The following MCF2L variants were observed in gnomAD, a reference collection of about 807,000 sequenced individuals.
The protein encoded by MCF2L is MCF.2 cell line derived transforming sequence like, also known as guanine nucleotide exchange factor DBS.
MCF2L carries 97 observed loss-of-function variants against 153.4 expected under a neutral mutation model. That is an observed-to-expected ratio of 0.63 (90% CI 0.54 to 0.75). The LOEUF is 0.75. Among genes scored for constraint, MCF2L ranks in the 30% least tolerant of loss-of-function variants. MCF2L has a pLI of 0.00. For missense variants in MCF2L, 1,347 were observed against 1,495.2 expected, an observed-to-expected ratio of 0.90 and a Z score of 1.64; for synonymous variants, 659 against 632.2, an observed-to-expected ratio of 1.04 and a Z score of -0.64.
intron 3 of MCF2L, chr13:113,041,005 A>C (rs947792290): frequency 6.6e-6 from 1 of 152,258 alleles, no homozygotes; most frequent in Non-Finnish European, 1.5e-5. Flanking sequence ...TATTTGGGCC[A>C]AAAGTGAGCT....
intron 17 of MCF2L, among the ~76,000 whole-genome samples, chr13:113,083,472 G>A (rs539762076): frequency 7.9e-5 from 12 of 152,326 alleles, no homozygotes; most frequent in East Asian, 3.9e-4. Context: ...AGTCCTGCAC[G>A]CAGGGGTCCC....
At chr13:112,928,425 C>T (rs893304805) in intron 2 of MCF2L, among the ~76,000 whole-genome samples, 9 of 152,168 alleles carry the variant, frequency 5.9e-5, no homozygotes, top group African/African-American at 1.9e-4. Context: ...GAATGTGCCT[C>T]GTTATAATCC....
Position 113,027,081 on chromosome 13 carries a change from A to G in MCF2L, c.278+2323A>G, listed in dbSNP as rs115308870. 2,913 of 756,464 alleles carry G rather than the reference A, an allele frequency of 3.9e-3. 53 individuals carry two copies. The African/African-American group carries it at 0.04, about 10-fold the overall frequency. 46.9% of individuals were successfully genotyped at this position (756,464 alleles called of 1,614,324 possible). A position where few individuals can be genotyped will look rare whatever the true frequency, so the allele number is the denominator to read the frequency against. On this transcript the variant is annotated intron_variant, in intron 3 of 29. Coordinates refer to ENST00000535094, the MANE Select transcript of MCF2L (RefSeq NM_001112732.3). This position sits in a 1 kb window ranked among gnomAD's most constrained non-coding sequence, Gnocchi z 4.8. ...AAATATCCTTAAATATGGCATCTGT[A>G]TCCCGCACATTACATAAGGTGGCAA... is the stretch of plus-strand genomic sequence containing the variant.
chr13:112,932,512 A>C lies in MCF2L; in HGVS notation c.169+30141A>C, dbSNP rs2081474221. 6.6e-6 allele frequency among the ~76,000 whole-genome samples: 1 copy of C among 152,348 alleles called. No individual in the cohort carries two copies. Among genetic ancestry groups the C allele is most frequent in the South Asian group, 2.1e-4 (1 of 4,828 alleles). ...TGTGCATAGTTAATAATAATGTACCAATATTGGCTCATTAATTGCAACAAA... is the reference window on the plus strand; with the variant it reads ...TGTGCATAGTTAATAATAATGTACCCATATTGGCTCATTAATTGCAACAAA... On this transcript the variant is annotated intron_variant, in intron 2 of 29. Coordinates refer to the MCF2L transcript ENST00000375608. This position sits in a 1 kb window ranked among gnomAD's most constrained non-coding sequence, Gnocchi z 4.6.
intron 1 of MCF2L, among the ~76,000 whole-genome samples, chr13:112,990,372 A>G (rs1202073519): frequency 6.6e-6 from 1 of 152,208 alleles, no homozygotes; most frequent in Non-Finnish European, 1.5e-5. Context: ...CACCCCAGAG[A>G]AGCCTGTTTT....
Position 113,023,387 on chromosome 13 carries a change from G to A in MCF2L, c.164-1257G>A, listed in dbSNP as rs909395906. Among the ~76,000 whole-genome samples the A allele has an allele frequency of 3.9e-5, 6 of 152,350 alleles. No individual in the cohort carries two copies. In the East Asian group the frequency reaches 5.8e-4, roughly 15 times the overall value. On this transcript the variant is annotated intron_variant, in intron 2 of 29. Coordinates refer to ENST00000535094, the MANE Select transcript of MCF2L (RefSeq NM_001112732.3). Reference sequence around the variant, plus strand: ...CCACAGGGAGCCTCGGGGGCCCAGCGTCCCGGGATCACTGGATGGTAAAGC... The same window carrying A: ...CCACAGGGAGCCTCGGGGGCCCAGCATCCCGGGATCACTGGATGGTAAAGC...
intron 3 of MCF2L, among the ~76,000 whole-genome samples, chr13:113,039,803 A>G (rs958845738): frequency 6.6e-6 from 1 of 152,244 alleles, no homozygotes; most frequent in East Asian, 1.9e-4. Context: ...TCCAGTGCTG[A>G]CAAAACCATG....
At chr13:112,980,837 G>T (rs2082392457) in intron 1 of MCF2L, among the ~76,000 whole-genome samples, 1 of 152,172 alleles carries the variant, frequency 6.6e-6, no homozygotes, top group Admixed American at 6.5e-5. Context: ...GGCAGCCAGG[G>T]GCTGTGCGTG....
Position 112,932,833 on chromosome 13 carries a change from C to A in MCF2L, c.169+30462C>A, listed in dbSNP as rs1352102341. On this transcript the variant is annotated intron_variant, in intron 2 of 29. Transcript: ENST00000375608. This position sits in a 1 kb window ranked among gnomAD's most constrained non-coding sequence, Gnocchi z 4.6. ...ATCATCTGAGGTCAGGAGTTGAAGA[C>A]CAGCCTGGCCAACATGGTGAAACCC... 6.6e-6 allele frequency among the ~76,000 whole-genome samples: 1 copy of A among 152,096 alleles called. No individual in the cohort carries two copies. The highest frequency in any genetic ancestry group is 1.5e-5 in the Non-Finnish European group (1 of 68,024).
rs750760161 is a variant in MCF2L at position 113,046,796 on chromosome 13, G to A, written c.369+1435G>A. 13 of 401,304 alleles carry A rather than the reference G, an allele frequency of 3.2e-5. No homozygotes were observed. The highest frequency in any genetic ancestry group is 5.9e-5 in the South Asian group (3 of 50,894). The allele number at this position is 401,304 out of a possible 1,614,324, so 24.9% of individuals were successfully genotyped here. On this transcript the variant is annotated intron_variant, in intron 4 of 29. Transcript: ENST00000535094. This position sits in a 1 kb window ranked among gnomAD's most constrained non-coding sequence, Gnocchi z 4.4. ...CCTGGCACACACCACCTATGGCATC[G>A]TTATCTGAAATAATTCAAAACGCTT...
chr13:112,973,053 A>C (rs1402014766), intron 1 of MCF2L, among the ~76,000 whole-genome samples: 2 of 151,326 alleles, frequency 1.3e-5, no homozygotes, highest in East Asian at 2.0e-4. Flanking sequence ...CTCTGGGGGG[A>C]CGCGCCCAGG....
rs763138412 is a variant in MCF2L, at chr13:113,085,105, A to G, written c.2174A>G (p.Asp725Gly). The change falls in exon 20 of 30, where the codon GAC becomes GGC. Residue 725 changes from aspartate (D) to glycine (G), a missense_variant. Asp to Gly is a moderately conservative substitution (Grantham distance 94). Transcript: ENST00000535094. ...PFFQECQRKL[D>G]HKLSLDSYLL... ...TTCCAGGAATGCCAGAGAAAGCTGG[A>G]CCACAAGCTGAGCCTGGACTCCTAC... is the stretch of plus-strand genomic sequence containing the variant. 6.2e-6 allele frequency: 10 copies of G among 1,613,590 alleles called. No individual in the cohort carries two copies. The South Asian group carries it at 1.1e-4, about 18-fold the overall frequency.
chr13:112,923,257 CTTTTTTTTTTTTTTT>C (rs57030206), intron 2 of MCF2L, among the ~76,000 whole-genome samples: 1 of 78,446 alleles, frequency 1.3e-5, no homozygotes, highest in Non-Finnish European at 2.3e-5. Flanking sequence ...GTGTTTGCTT[CTTTTTTTTTTTTTTT>C]TTTTTTTTTG....
chr13:113,016,825 C>T (rs966713498), intron 2 of MCF2L, among the ~76,000 whole-genome samples: 26 of 152,320 alleles, frequency 1.7e-4, no homozygotes, highest in African/African-American at 6.0e-4. Context: ...TCCTCGCCTG[C>T]GCTCTGCTCC....
At chr13:112,923,838 T>A (rs1371547344) in intron 2 of MCF2L, among the ~76,000 whole-genome samples, 1 of 152,164 alleles carries the variant, frequency 6.6e-6, no homozygotes, top group African/African-American at 2.4e-5. Flanking sequence ...AGTTGTCCTG[T>A]GTTTTATCTT....
At chr13:113,013,587 G>A (rs1424814379) in intron 1 of MCF2L, among the ~76,000 whole-genome samples, 3 of 152,186 alleles carry the variant, frequency 2.0e-5, no homozygotes, top group East Asian at 1.9e-4. Flanking sequence ...GGCAGCCTCC[G>A]CTGGGAATTT....
chr13:112,988,703 G>A (rs1322888244), intron 1 of MCF2L, among the ~76,000 whole-genome samples: 23 of 124,170 alleles, frequency 1.9e-4, no homozygotes, highest in Non-Finnish European at 2.9e-4. Context: ...CTATGACACC[G>A]GAGTCCTCCC....
In MCF2L at chr13:113,099,602, T is replaced by C. The variant is rs2035840559; in HGVS notation, c.*2743T>C. On this transcript the variant is annotated 3_prime_UTR_variant, in exon 30 of 30. Coordinates refer to ENST00000535094, the MANE Select transcript of MCF2L (RefSeq NM_001112732.3). ...AAAGTATTTAAATACTTCTGTCAAT[T>C]AGGACAGTTGAGAAAAGAGAATAAC... The C allele has an allele frequency of 6.6e-6, 1 of 152,120 alleles. No individual in the cohort carries two copies. The highest frequency in any genetic ancestry group is 2.4e-5 in the African/African-American group (1 of 41,418). 9.4% of individuals were successfully genotyped at this position (152,120 alleles called of 1,614,324 possible).
upstream of MCF2L, chr13:112,968,644 G>A: frequency 6.6e-7 from 1 of 1,525,214 alleles, no homozygotes; most frequent in Non-Finnish European, 8.8e-7. Context: ...GTGGCATGCG[G>A]CCACACGGAA....
Sources: gnomAD v4.1 joint callset for allele counts (sites outside exome capture counted in the v4.1 genomes callset) on GRCh38, gnomAD v4.1.1 for gene constraint, Gnocchi (gnomAD v3.1) non-coding constraint, MANE v1.5 for transcripts, NCBI Gene and HGNC (gene_info 2026-07-23, HGNC 2026-07-21) for gene names.